Variants in HERPUD1 observed in about 807,000 individuals in gnomAD.
The protein encoded by HERPUD1 is homocysteine-responsive endoplasmic reticulum-resident ubiquitin-like domain member 1 protein.
In HERPUD1, 17 loss-of-function variants were observed where a neutral mutation model predicts 45.0. The ratio of observed to expected loss-of-function variants is 0.38; its 90% CI spans 0.26 to 0.57. The LOEUF is 0.57. Among genes scored for constraint, HERPUD1 ranks in the 20% least tolerant of loss-of-function variants. The probability of loss-of-function intolerance (pLI) is 0.72; values close to 1 mark genes in which losing one functional copy is unlikely to be tolerated. For synonymous variants in HERPUD1, 164 were observed against 177.5 expected, an observed-to-expected ratio of 0.92 and a Z score of 0.61; for missense variants, 420 against 490.5, an observed-to-expected ratio of 0.86 and a Z score of 1.36.
intron 4 of HERPUD1, among the ~76,000 whole-genome samples, chr16:56,938,145 A>T (rs573056647): frequency 6.6e-6 from 1 of 152,244 alleles, no homozygotes; most frequent in African/African-American, 2.4e-5. Context: ...TCTTTGGGCA[A>T]TTCTATTATG....
At position 56,932,176 on chromosome 16, in the gene HERPUD1, C is replaced by G. The variant is rs867941621; in HGVS notation, c.-69C>G. Reference sequence around the variant, plus strand: ...ACGTGAACTGTCGTTGCAGAGATTGCGGGCGGCTGAGACGCCGCCTGCCTG... The same window carrying G: ...ACGTGAACTGTCGTTGCAGAGATTGGGGGCGGCTGAGACGCCGCCTGCCTG... On this transcript the variant is annotated 5_prime_UTR_variant, in exon 1 of 8. Transcript: ENST00000439977. 3 of 1,569,944 alleles carry G rather than the reference C, an allele frequency of 1.9e-6. No homozygotes were observed. Among genetic ancestry groups the G allele is most frequent in the Non-Finnish European group, 1.7e-6 (2 of 1,164,726 alleles).
At chr16:56,933,471 T>C (rs1158290101) in intron 1 of HERPUD1, among the ~76,000 whole-genome samples, 8 of 152,222 alleles carry the variant, frequency 5.3e-5, no homozygotes, top group Admixed American at 5.2e-4. Flanking sequence ...GAATGACTAT[T>C]GGGTACACAA....
In HERPUD1 at chr16:56,943,351, A is replaced by G. The variant is rs2144828923; in HGVS notation, c.*61A>G. The G allele has an allele frequency of 6.3e-7, 1 of 1,577,238 alleles. No individual in the cohort carries two copies. The highest frequency in any genetic ancestry group is 2.2e-5 in the East Asian group (1 of 44,700). On this transcript the variant is annotated 3_prime_UTR_variant, in exon 8 of 8. Coordinates refer to ENST00000439977, the MANE Select transcript of HERPUD1 (RefSeq NM_014685.4). ...GGAATGGACTGGATCACCTGACTCC[A>G]GCTAGATTGCCTCTCCTGGACATGG...
intron 5 of HERPUD1, among the ~76,000 whole-genome samples, 191 bp downstream of exon 5, chr16:56,939,550 G>T (rs1240389567): frequency 6.6e-6 from 1 of 152,236 alleles, no homozygotes; most frequent in Non-Finnish European, 1.5e-5. Flanking sequence ...TGACACAAGG[G>T]TGCTTTTGTC....
In HERPUD1 at chr16:56,932,434, C is replaced by A. The variant is rs545148214; in HGVS notation, c.147+43C>A. 10 of 1,474,058 alleles carry A rather than the reference C, an allele frequency of 6.8e-6. No individual in the cohort carries two copies. The African/African-American group carries it at 1.1e-4, about 17-fold the overall frequency. 91.3% of individuals were successfully genotyped at this position (1,474,058 alleles called of 1,614,324 possible). A position where few individuals can be genotyped will look rare whatever the true frequency, so the allele number is the denominator to read the frequency against. On this transcript the variant is annotated intron_variant, in intron 1 of 7. Coordinates refer to ENST00000439977, the MANE Select transcript of HERPUD1 (RefSeq NM_014685.4). ...TTCCCGCCCCTAGGCTGTGGCCCCC[C>A]GCCCTCTGCTGGGGATGCCACGTCC... is the stretch of plus-strand genomic sequence containing the variant.
rs747397175 is a variant in HERPUD1 at position 56,943,381 on chromosome 16, G to C, written c.*91G>C. The C allele has an allele frequency of 7.1e-7, 1 of 1,416,422 alleles. No individual in the cohort carries two copies. The highest frequency in any genetic ancestry group is 1.0e-6 in the Non-Finnish European group (1 of 1,001,612). 87.7% of individuals were successfully genotyped at this position (1,416,422 alleles called of 1,614,324 possible). On this transcript the variant is annotated 3_prime_UTR_variant, in exon 8 of 8. Coordinates refer to ENST00000439977, the MANE Select transcript of HERPUD1 (RefSeq NM_014685.4). ...GATTGCCTCTCCTGGACATGGCAAT[G>C]ATGAGTTTTTAAAAAACAGTGTGGA...
In HERPUD1 at chr16:56,944,260, T is replaced by C. The variant is rs567497952; in HGVS notation, c.*970T>C. On this transcript the variant is annotated 3_prime_UTR_variant, in exon 8 of 8. Transcript: ENST00000439977. ...ACCTGTGTTTCCCCCCATTTCCTGA[T>C]TTAAACAGTACTGGCTTATATAGGA... 1 of 152,300 alleles carries C rather than the reference T, an allele frequency of 6.6e-6. No homozygotes were observed. Among genetic ancestry groups the C allele is most frequent in the East Asian group, 1.9e-4 (1 of 5,184 alleles). The allele number at this position is 152,300 out of a possible 1,614,324, so 9.4% of individuals were successfully genotyped here.
chr16:56,939,057 A>C, intron 4 of HERPUD1, 180 bp from the exon 5 acceptor site: 1 of 641,324 alleles, frequency 1.6e-6, no homozygotes. Context: ...GTGCTGTGTC[A>C]TTTAGTACCT....
At position 56,940,246 on chromosome 16, in the gene HERPUD1, G is replaced by GT; in HGVS notation, c.905+2dup. Reference sequence around the variant, plus strand: ...TGGGGGCCACCGTTGTTATGTACCTGTAAGCAGATGGTTTCTCTAATATAA... The same window carrying GT: ...TGGGGGCCACCGTTGTTATGTACCTGTTAAGCAGATGGTTTCTCTAATATAA... On this transcript the variant is annotated splice_donor_variant, in intron 6 of 7. Transcript: ENST00000439977. LOFTEE classifies it high-confidence loss of function. 6.3e-7 allele frequency: 1 copy of GT among 1,588,442 alleles called. No individual in the cohort carries two copies. Among genetic ancestry groups the GT allele is most frequent in the Non-Finnish European group, 8.6e-7 (1 of 1,158,208 alleles).
Position 56,943,122 on chromosome 16 carries a change from G to A in HERPUD1, c.1012-4G>A, listed in dbSNP as rs769250397. The A allele has an allele frequency of 4.3e-6, 7 of 1,612,848 alleles. No homozygotes were observed. The South Asian group carries it at 5.5e-5, about 13-fold the overall frequency. On this transcript the variant is annotated splice_region_variant and splice_polypyrimidine_tract_variant and intron_variant, in intron 7 of 7. Transcript: ENST00000439977. The stretch of plus-strand genomic sequence containing the variant: ...TCATTACCTCATTGTTTCATTACCT[G>A]TAGGAAGGCACTGATCCTGAAACTG...
At chr16:56,937,517 A>G (rs2055875669) in intron 4 of HERPUD1, 1 of 152,042 alleles carries the variant, frequency 6.6e-6, no homozygotes, top group Admixed American at 6.6e-5. Context: ...ACTTTCAAAT[A>G]TACACAACAG....
At chr16:56,936,240 A>C (rs1375575428) in intron 3 of HERPUD1, 1 of 152,752 alleles carries the variant, frequency 6.5e-6, no homozygotes, top group African/African-American at 2.4e-5. Context: ...TCTTAAAAGC[A>C]CTTTATCATT....
chr16:56,940,082 G>T lies in HERPUD1; in HGVS notation c.742G>T (p.Ala248Ser). The change falls in exon 6 of 8, where the codon GCA becomes TCA. Residue 248 changes from alanine to serine, a missense_variant. Physicochemically the swap from Ala to Ser is moderately conservative, Grantham distance 99. Transcript: ENST00000439977. ...AGCCAATCAAAATTTGCGGATGAAT[G>T]CACAAGGTGGCCCTATTGTGGAAGA... ...PGANQNLRMN[A>S]QGGPIVEEDD... The T allele has an allele frequency of 1.9e-6, 3 of 1,614,204 alleles. No individual in the cohort carries two copies. Among genetic ancestry groups the T allele is most frequent in the Non-Finnish European group, 2.5e-6 (3 of 1,180,046 alleles).
In HERPUD1 at chr16:56,939,189, T is replaced by C. The variant is rs1390081909; in HGVS notation, c.432-48T>C. The C allele has an allele frequency of 1.5e-5, 23 of 1,585,082 alleles. No homozygotes were observed. The East Asian group carries it at 2.9e-4, about 20-fold the overall frequency. Reference sequence around the variant, plus strand: ...TAATTTAAACTTAGTTTTCATTTGTTCATACTCAACCCACTCAAAATGAGT... The same window carrying C: ...TAATTTAAACTTAGTTTTCATTTGTCCATACTCAACCCACTCAAAATGAGT... On this transcript the variant is annotated intron_variant, in intron 4 of 7. Coordinates refer to ENST00000439977, the MANE Select transcript of HERPUD1 (RefSeq NM_014685.4).
intron 1 of HERPUD1, among the ~76,000 whole-genome samples, chr16:56,934,702 CT>C (rs869088050): frequency 0.068 from 4,038 of 59,642 alleles, 21 homozygotes; most frequent in East Asian, 0.15. Context: ...ATTTGCCATT[CT>C]TTTTTTTTTT....
At chr16:56,940,402 G>T in intron 6 of HERPUD1, 157 bp downstream of exon 6, 1 of 608,528 alleles carries the variant, frequency 1.6e-6, no homozygotes, top group South Asian at 2.1e-5. Context: ...CGCTTCCCAG[G>T]TTCAAGCGAT....
chr16:56,932,418 C>T (rs1459961597), intron 1 of HERPUD1, 27 bp downstream of exon 1: 2 of 1,526,360 alleles, frequency 1.3e-6, no homozygotes, highest in African/African-American at 1.4e-5. Flanking sequence ...CTTCCCGCCC[C>T]TAGGCTGTGG....
At chr16:56,933,454 G>A (rs984135102) in intron 1 of HERPUD1, 4 of 422,530 alleles carry the variant, frequency 9.5e-6, no homozygotes, top group Admixed American at 7.7e-5. Flanking sequence ...TGGCTGTGTT[G>A]CCATGAGAAT....
intron 1 of HERPUD1, chr16:56,933,373 C>T (rs571582413): frequency 4.4e-6 from 2 of 455,764 alleles, no homozygotes; most frequent in Admixed American, 2.4e-5. Context: ...AGTAAGCTTG[C>T]ATTCCATGTC....
Sources: allele counts gnomAD v4.1 joint callset (sites outside exome capture counted in the v4.1 genomes callset), GRCh38; gene constraint gnomAD v4.1.1; transcripts MANE v1.5; gene names NCBI Gene and HGNC (gene_info 2026-07-23, HGNC 2026-07-21).